The following JAK1 variants were observed in gnomAD, a reference collection of about 807,000 sequenced individuals.
The protein encoded by JAK1 is tyrosine-protein kinase JAK1.
Under a neutral mutation model 136.6 loss-of-function variants are expected in JAK1, and 16 were observed. That is an observed-to-expected ratio of 0.12 (90% CI 0.08 to 0.18). JAK1 has a LOEUF of 0.18. Among genes scored for constraint, JAK1 ranks in the 10% least tolerant of loss-of-function variants. The pLI is 1.00. For missense variants in JAK1, 859 were observed against 1,450.1 expected, an observed-to-expected ratio of 0.59 and a Z score of 6.62; for synonymous variants, 492 against 519.5, an observed-to-expected ratio of 0.95 and a Z score of 0.72.
intron 2 of JAK1, among the ~76,000 whole-genome samples, chr1:64,998,603 C>T (rs1646724895): frequency 6.6e-6 from 1 of 152,186 alleles, no homozygotes; most frequent in Non-Finnish European, 1.5e-5. Flanking sequence ...GCTGTGTCCC[C>T]ACCCAAATCT....
chr1:64,978,821 G>A (rs1367464399), intron 2 of JAK1, among the ~76,000 whole-genome samples: 5 of 151,476 alleles, frequency 3.3e-5, no homozygotes, highest in Non-Finnish European at 7.4e-5. Context: ...CAGAAAGCAG[G>A]ACACTTGCAT....
chr1:64,876,291 G>A (rs529563465), intron 4 of JAK1: 2 of 152,284 alleles, frequency 1.3e-5, no homozygotes, highest in East Asian at 3.9e-4. Flanking sequence ...TAGAGATGAG[G>A]GCCCAACAAA....
At chr1:64,938,673 A>C (rs976166635) in intron 1 of JAK1, among the ~76,000 whole-genome samples, 5 of 152,238 alleles carry the variant, frequency 3.3e-5, no homozygotes, top group African/African-American at 1.2e-4. Context: ...ACTAGTAAGT[A>C]AACTCGTTCT....
intron 2 of JAK1, chr1:64,973,187 A>AAGAAAAAG (rs1646467243): frequency 2.0e-5 from 3 of 147,286 alleles, no homozygotes; most frequent in Admixed American, 6.9e-5. Flanking sequence ...GAAAGAAAGA[A>AAGAAAAAG]AAAGAAAGAA....
chr1:64,838,615 C>T, intron 20 of JAK1, 26 bp from the exon 21 acceptor site: 1 of 1,609,572 alleles, frequency 6.2e-7, no homozygotes, highest in Non-Finnish European at 8.5e-7. Flanking sequence ...ATCCATCAGT[C>T]TGAGGCTGCC....
intron 2 of JAK1, among the ~76,000 whole-genome samples, chr1:64,998,811 C>T (rs550799175): frequency 1.3e-4 from 20 of 152,314 alleles, no homozygotes; most frequent in African/African-American, 4.3e-4. Flanking sequence ...CCTTGCCTTC[C>T]ACCATGATTG....
Position 64,834,390 on chromosome 1 carries a change from T to C in JAK1, c.*172A>G. 1 of 509,144 alleles carries C rather than the reference T, an allele frequency of 2.0e-6. No homozygotes were observed. Among genetic ancestry groups the C allele is most frequent in the Non-Finnish European group, 3.6e-6 (1 of 279,656 alleles). The allele number at this position is 509,144 out of a possible 1,614,324, so 31.5% of individuals were successfully genotyped here. ...AATTTAAAGAGGAAGTCCTTACACA[T>C]ATTAAGCACTACAGTGTGCCTTATA... On this transcript the variant is annotated 3_prime_UTR_variant, in exon 25 of 25. Transcript: ENST00000342505.
chr1:64,903,948 C>G (rs1269951517), intron 1 of JAK1, among the ~76,000 whole-genome samples: 4 of 152,166 alleles, frequency 2.6e-5, no homozygotes, highest in Non-Finnish European at 5.9e-5. Context: ...AATGACTTGA[C>G]TACAAGTTCC....
rs185143160 is a variant in JAK1, at chr1:64,836,685, T to C, written c.3141-470A>G. Reference sequence around the variant, plus strand: ...CATTCCACCGCACCCAATCTCCTTATATACTCCTTGAACCTACTCACTTCT... The same window carrying C: ...CATTCCACCGCACCCAATCTCCTTACATACTCCTTGAACCTACTCACTTCT... On this transcript the variant is annotated intron_variant, in intron 22 of 24. Coordinates refer to ENST00000342505, the MANE Select transcript of JAK1 (RefSeq NM_002227.4). Among the ~76,000 whole-genome samples, 3 of 152,266 alleles carry C rather than the reference T, an allele frequency of 2.0e-5. No individual in the cohort carries two copies. In the East Asian group the frequency reaches 5.8e-4, roughly 29 times the overall value.
intron 2 of JAK1, chr1:64,989,444 G>A (rs917222057): frequency 5.9e-5 from 9 of 152,032 alleles, no homozygotes; most frequent in Non-Finnish European, 7.3e-5. Flanking sequence ...CCTTGCAATG[G>A]TCCTGAAGAC....
chr1:64,856,901 C>G (rs1477002341), intron 10 of JAK1, among the ~76,000 whole-genome samples: 2 of 152,222 alleles, frequency 1.3e-5, no homozygotes, highest in Admixed American at 6.5e-5. Flanking sequence ...CCTCCGTGTC[C>G]CAGGTCTCCC....
At chr1:65,063,804 C>CAAA (rs370192253) in intron 1 of JAK1, among the ~76,000 whole-genome samples, 19 of 81,322 alleles carry the variant, frequency 2.3e-4, no homozygotes, top group African/African-American at 2.9e-4. Context: ...GACTCTATCT[C>CAAA]AAAAAAAAAA....
chr1:65,023,009 A>C (rs1646949625), intron 2 of JAK1: 1 of 152,158 alleles, frequency 6.6e-6, no homozygotes, highest in Non-Finnish European at 1.5e-5. Context: ...TCATCCTTAC[A>C]CAGGGGCCAT....
At chr1:64,975,261 A>G (rs919363745) in intron 2 of JAK1, among the ~76,000 whole-genome samples, 1 of 152,144 alleles carries the variant, frequency 6.6e-6, no homozygotes, top group Non-Finnish European at 1.5e-5. Flanking sequence ...GCACCCCAAA[A>G]GAACTGACCA....
intron 2 of JAK1, among the ~76,000 whole-genome samples, chr1:65,041,209 A>G (rs1647129737): frequency 1.3e-5 from 2 of 152,154 alleles, no homozygotes; most frequent in African/African-American, 4.8e-5. Flanking sequence ...TACCGTGGCG[A>G]GGAGACCGCG....
At position 64,981,916 on chromosome 1, in the gene JAK1, C is replaced by T. The variant is rs139996458; in HGVS notation, c.-78+62564G>A. Among the ~76,000 whole-genome samples, 65 of 152,272 alleles carry T rather than the reference C, an allele frequency of 4.3e-4. 1 individual carries two copies. In the East Asian group the frequency reaches 0.012, roughly 28 times the overall value. On this transcript the variant is annotated intron_variant, in intron 2 of 25. Coordinates refer to the JAK1 transcript ENST00000671954. ...CATCATCACTAAGAAGAGCACTTATCCACTAGGATGCAAACTAAACAAACT... is the reference window on the plus strand; with the variant it reads ...CATCATCACTAAGAAGAGCACTTATTCACTAGGATGCAAACTAAACAAACT...
At chr1:64,935,907 T>C (rs963210697) in intron 1 of JAK1, among the ~76,000 whole-genome samples, 2 of 152,124 alleles carry the variant, frequency 1.3e-5, no homozygotes, top group Non-Finnish European at 1.5e-5. Context: ...ACTGACAGGA[T>C]CCAGTAGGAA....
chr1:65,028,770 A>T (rs1646999347), intron 2 of JAK1, among the ~76,000 whole-genome samples: 1 of 152,214 alleles, frequency 6.6e-6, no homozygotes, highest in South Asian at 2.1e-4. Context: ...TCCTCCCAAT[A>T]GCACTGAGAT....
rs377421021 is a variant in JAK1, at chr1:64,843,931, C to T, written c.2403+133G>A. ...CAGTTACATTTGTGAGGTCACACAC[C>T]CAGTAGGCCCGTGAAGAGATTCAAA... On this transcript the variant is annotated intron_variant, in intron 17 of 24. Coordinates refer to ENST00000342505, the MANE Select transcript of JAK1 (RefSeq NM_002227.4). 44 of 935,036 alleles carry T rather than the reference C, an allele frequency of 4.7e-5. No homozygotes were observed. The African/African-American group carries it at 5.6e-4, about 12-fold the overall frequency. 57.9% of individuals were successfully genotyped at this position (935,036 alleles called of 1,614,324 possible).
Sources: allele counts gnomAD v4.1 joint callset (sites outside exome capture counted in the v4.1 genomes callset), GRCh38; gene constraint gnomAD v4.1.1; transcripts MANE v1.5; gene names NCBI Gene and HGNC (gene_info 2026-07-23, HGNC 2026-07-21).